Variants in PDE11A observed in about 807,000 individuals in gnomAD.
PDE11A encodes dual 3',5'-cyclic-AMP and -GMP phosphodiesterase 11A.
Under a neutral mutation model 100.5 loss-of-function variants are expected in PDE11A, and 100 were observed. The observed-to-expected ratio is 1.00, with a 90% CI of 0.85 to 1.18. The LOEUF is 1.18. Ranked by LOEUF, PDE11A falls within the 50% of genes most tolerant of loss-of-function variation. The pLI is 0.00. For missense variants in PDE11A, 1,141 were observed against 1,152.6 expected (o/e 0.99, Z 0.15); for synonymous variants, 381 against 420.8 (o/e 0.91, Z 1.16).
At chr2:177,945,345 G>C (rs1331452534) in intron 2 of PDE11A, among the ~76,000 whole-genome samples, 2 of 140,850 alleles carry the variant, frequency 1.4e-5, no homozygotes, top group East Asian at 4.2e-4. Flanking sequence ...GAGCGTCTCC[G>C]CCCGGCCGCC....
At chr2:177,846,199 A>C (rs1161369665) in intron 5 of PDE11A, among the ~76,000 whole-genome samples, 1 of 152,200 alleles carries the variant, frequency 6.6e-6, no homozygotes, top group Non-Finnish European at 1.5e-5. Context: ...GAGTTTTGGC[A>C]TACCTCAATC....
chr2:177,750,647 G>A (rs1033994336), intron 10 of PDE11A, among the ~76,000 whole-genome samples: 4 of 152,206 alleles, frequency 2.6e-5, no homozygotes, highest in African/African-American at 7.2e-5. Flanking sequence ...TTTGTAAAAG[G>A]TGTGGTCAAA....
intron 9 of PDE11A, among the ~76,000 whole-genome samples, chr2:177,801,578 A>C (rs895702359): frequency 3.3e-5 from 5 of 152,298 alleles, no homozygotes; most frequent in South Asian, 2.1e-4. Context: ...AATCAATGGA[A>C]AAGAATGCAG....
intron 6 of PDE11A, among the ~76,000 whole-genome samples, chr2:177,820,562 G>C (rs1421919620): frequency 4.0e-5 from 6 of 151,796 alleles, no homozygotes; most frequent in Non-Finnish European, 8.8e-5. Flanking sequence ...CAGCCATAGA[G>C]AGCTGGACAT....
chr2:178,039,704 TAACTC>T (rs903549998), intron 1 of PDE11A, among the ~76,000 whole-genome samples: 40 of 151,592 alleles, frequency 2.6e-4, no homozygotes, highest in Non-Finnish European at 2.5e-4. Flanking sequence ...TAACTAGAAA[TAACTC>T]AAAAGTCTGT....
intron 15 of PDE11A, among the ~76,000 whole-genome samples, chr2:177,693,655 AT>A (rs1307817968): frequency 6.6e-6 from 1 of 152,186 alleles, no homozygotes; most frequent in Non-Finnish European, 1.5e-5. Flanking sequence ...ACATTATCAC[AT>A]AATATATCCC....
chr2:177,667,179 G>A (rs1053365741), intron 18 of PDE11A, among the ~76,000 whole-genome samples: 38 of 152,082 alleles, frequency 2.5e-4, no homozygotes, highest in African/African-American at 7.2e-4. Context: ...ATCCCAAAGC[G>A]CTGGGATTAA....
At chr2:177,916,788 C>G (rs1394935040) in intron 2 of PDE11A, among the ~76,000 whole-genome samples, 2 of 151,588 alleles carry the variant, frequency 1.3e-5, no homozygotes, top group Admixed American at 1.3e-4. Context: ...GAGATGGAGT[C>G]TTGCTCTGTC....
intron 2 of PDE11A, among the ~76,000 whole-genome samples, chr2:177,959,736 T>C (rs766934091): frequency 6.6e-6 from 1 of 152,122 alleles, no homozygotes; most frequent in African/African-American, 2.4e-5. Context: ...GATATATCAA[T>C]CGGATATCCA....
chr2:177,674,404 C>G (rs2080736250), intron 17 of PDE11A, among the ~76,000 whole-genome samples: 1 of 152,234 alleles, frequency 6.6e-6, no homozygotes, highest in Non-Finnish European at 1.5e-5. Flanking sequence ...TCTGGAGGCT[C>G]TTGGACAGAA....
At chr2:177,886,674 C>T (rs79269097) in intron 4 of PDE11A, among the ~76,000 whole-genome samples, 1,727 of 152,180 alleles carry the variant, frequency 0.011, 26 homozygotes, top group East Asian at 0.075. Flanking sequence ...GAGGGAGAAA[C>T]TTTTATTTTC....
intron 1 of PDE11A, among the ~76,000 whole-genome samples, chr2:178,048,380 G>A (rs1006895512): frequency 1.8e-4 from 28 of 152,116 alleles, no homozygotes; most frequent in Admixed American, 9.8e-4. Context: ...TCAATGTTCC[G>A]TGTATAACAA....
chr2:177,628,250 T>C lies in PDE11A; in HGVS notation c.*1157A>G, dbSNP rs921930994. 2.6e-5 allele frequency: 4 copies of C among 152,678 alleles called. No individual in the cohort carries two copies. The highest frequency in any genetic ancestry group is 5.9e-5 in the Non-Finnish European group (4 of 68,048). 9.5% of individuals were successfully genotyped at this position (152,678 alleles called of 1,614,324 possible). A position where few individuals can be genotyped will look rare whatever the true frequency, so the allele number is the denominator to read the frequency against. On this transcript the variant is annotated 3_prime_UTR_variant, in exon 20 of 20. Coordinates refer to ENST00000286063, the MANE Select transcript of PDE11A (RefSeq NM_016953.4). ...CAGTCAATAATGCCAAAGCTAAGGA[T>C]AGAAATCTATCTTCTAGCCCAATGT...
At chr2:177,773,356 C>T (rs1358703103) in intron 9 of PDE11A, among the ~76,000 whole-genome samples, 1 of 152,176 alleles carries the variant, frequency 6.6e-6, no homozygotes, top group Non-Finnish European at 1.5e-5. Flanking sequence ...TGAATATATA[C>T]CTCATGCTGT....
chr2:177,703,212 T>C (rs1433493813), intron 13 of PDE11A, among the ~76,000 whole-genome samples: 3 of 152,150 alleles, frequency 2.0e-5, no homozygotes, highest in Non-Finnish European at 2.9e-5. Flanking sequence ...TTATTATTAA[T>C]AAAGCTACCA....
At chr2:177,685,571 C>T (rs1045919231) in intron 15 of PDE11A, among the ~76,000 whole-genome samples, 3 of 151,606 alleles carry the variant, frequency 2.0e-5, no homozygotes, top group Admixed American at 6.6e-5. Context: ...TTTTTTGAGA[C>T]GGAGTTTCGC....
In PDE11A at chr2:177,701,134, A is replaced by T. The variant is rs776319665; in HGVS notation, c.2231T>A (p.Ile744Asn). ...EHHHFNHAVMILQSEGHNIFA... is the reference protein window; with the variant it reads ...EHHHFNHAVMNLQSEGHNIFA... ...TCAGGCCTGTACCTCACTTTGAAGG[A>T]TCATCACGGCGTGGTTGAAATGGTG... Residue 744 changes from isoleucine to asparagine, a missense_variant, in exon 14 of 20, where the codon ATC becomes AAC. Transcript: ENST00000286063. 6.3e-7 allele frequency: 1 copy of T among 1,593,490 alleles called. No homozygotes were observed. Among genetic ancestry groups the T allele is most frequent in the Non-Finnish European group, 8.6e-7 (1 of 1,161,132 alleles).
At chr2:177,910,906 C>G (rs895367612) in intron 2 of PDE11A, among the ~76,000 whole-genome samples, 1 of 152,108 alleles carries the variant, frequency 6.6e-6, no homozygotes, top group Non-Finnish European at 1.5e-5. Flanking sequence ...TTGAAGAATG[C>G]CGGGGGTCTA....
At chr2:177,913,141 CATAA>C (rs2084905873) in intron 2 of PDE11A, among the ~76,000 whole-genome samples, 1 of 151,944 alleles carries the variant, frequency 6.6e-6, no homozygotes, top group Non-Finnish European at 1.5e-5. Context: ...TAAAAATTAC[CATAA>C]ATACTCTGTT....
Sources: allele counts gnomAD v4.1 joint callset (sites outside exome capture counted in the v4.1 genomes callset), GRCh38; gene constraint gnomAD v4.1.1; transcripts MANE v1.5; gene names NCBI Gene and HGNC (gene_info 2026-07-23, HGNC 2026-07-21).